DNAH11: variants seen among roughly 807,000 people sequenced by gnomAD.
The protein encoded by DNAH11 is dynein axonemal heavy chain 11, also known as axonemal beta dynein heavy chain 11.
In DNAH11, 442 loss-of-function variants were observed where a neutral mutation model predicts 526.0. That is an observed-to-expected ratio of 0.84 (90% CI 0.78 to 0.91). DNAH11 has a LOEUF of 0.91. DNAH11 is among the 40% of genes least tolerant of loss of function. The pLI is 0.00. For synonymous variants in DNAH11, 2,461 were observed against 1,935.9 expected, an observed-to-expected ratio of 1.27 and a Z score of -7.12; for missense variants, 6,989 against 5,448.7, an observed-to-expected ratio of 1.28 and a Z score of -8.90.
chr7:21,572,313 CACTG>C (rs1484673267), intron 8 of DNAH11, among the ~76,000 whole-genome samples: 2 of 152,198 alleles, frequency 1.3e-5, no homozygotes, highest in African/African-American at 4.8e-5. Context: ...TTTCTTGAAT[CACTG>C]GATGTTTTGT....
chr7:21,565,241 G>T (rs567927480), intron 6 of DNAH11, among the ~76,000 whole-genome samples: 1 of 151,826 alleles, frequency 6.6e-6, no homozygotes, highest in Non-Finnish European at 1.5e-5. Context: ...CCTTCTCACT[G>T]TGTCCTCACT....
At position 21,601,114 on chromosome 7, in the gene DNAH11, G is replaced by A. The variant is rs1785067646; in HGVS notation, c.3360G>A (p.Leu1120=). 6.2e-7 allele frequency: 1 copy of A among 1,610,420 alleles called. No homozygotes were observed. The highest frequency in any genetic ancestry group is 2.2e-5 in the East Asian group (1 of 44,850). The part of the protein sequence containing the change: ...KVDMKPFKVS[L]LTIIKKWSWM... ...ACATGAAGCCTTTCAAAGTGAGCTT[G>A]TTAACCATAATTAAGAAATGGAGCT... Residue 1120 remains leucine (L), a synonymous_variant, in exon 17 of 82, where the codon TTG becomes TTA. Transcript: ENST00000409508.
chr7:21,780,025 CTT>C (rs5882825), intron 57 of DNAH11, among the ~76,000 whole-genome samples: 14 of 149,820 alleles, frequency 9.3e-5, no homozygotes, highest in African/African-American at 2.0e-4. Flanking sequence ...AGTTGATTTT[CTT>C]TTTTTTTTTC....
Position 21,801,330 on chromosome 7 carries a change from G to A in DNAH11, c.10165+55G>A, listed in dbSNP as rs72657390. 3.4e-4 allele frequency: 545 copies of A among 1,595,258 alleles called. 1 individual carries two copies. The African/African-American group carries it at 6.5e-3, about 19-fold the overall frequency. On this transcript the variant is annotated intron_variant, in intron 62 of 81. Coordinates refer to ENST00000409508, the MANE Select transcript of DNAH11 (RefSeq NM_001277115.2). ...TAAAATGTTCAGATCAGCTTGTGGG[G>A]ATTTTATTATTTGCCATCAATAATA...
chr7:21,901,218 G>C lies in DNAH11; in HGVS notation c.13515G>C (p.Trp4505Cys). Residue 4505 changes from tryptophan (W) to cysteine (C), a missense_variant, in exon 82 of 82, where the codon TGG (tryptophan) becomes TGC (cysteine). Coordinates refer to ENST00000409508, the MANE Select transcript of DNAH11 (RefSeq NM_001277115.2). ...AGAGCGAAGAGAAGACTGCAAAATG[G>C]GTTCTGGCTGGAGTGGCTCTGCTTC... ...RLKSEEKTAK[W>C]VLAGVALLLE... The C allele has an allele frequency of 1.2e-6, 2 of 1,612,064 alleles. No homozygotes were observed. The highest frequency in any genetic ancestry group is 1.7e-6 in the Non-Finnish European group (2 of 1,179,010).
intron 34 of DNAH11, among the ~76,000 whole-genome samples, chr7:21,689,707 C>T (rs966749807): frequency 6.6e-6 from 1 of 152,240 alleles, no homozygotes; most frequent in African/African-American, 2.4e-5. Context: ...AATCCACCTG[C>T]TCCTAATTAC....
chr7:21,690,671 CTAA>C (rs1783578082), intron 34 of DNAH11, 91 bp from the exon 35 acceptor site: 1 of 868,702 alleles, frequency 1.2e-6, no homozygotes, highest in Non-Finnish European at 1.8e-6. Context: ...AAACAGCTTC[CTAA>C]TAATTTGCAT....
At chr7:21,814,419 G>A (rs1181020359) in intron 63 of DNAH11, among the ~76,000 whole-genome samples, 1 of 150,032 alleles carries the variant, frequency 6.7e-6, no homozygotes, top group Non-Finnish European at 1.5e-5. Context: ...CATTGTGCGG[G>A]TTAGTTACAT....
intron 27 of DNAH11, 109 bp from the exon 28 acceptor site, chr7:21,638,830 C>T (rs1786988245): frequency 7.7e-7 from 1 of 1,302,354 alleles, no homozygotes; most frequent in Non-Finnish European, 1.1e-6. Context: ...ACCTGTTAAA[C>T]AGTGAGTTTA....
At chr7:21,654,599 C>T (rs1420575897) in intron 28 of DNAH11, among the ~76,000 whole-genome samples, 3 of 152,148 alleles carry the variant, frequency 2.0e-5, no homozygotes, top group Admixed American at 2.0e-4. Flanking sequence ...TAGGTATATA[C>T]CTAGGAGAGG....
chr7:21,547,814 G>C (rs1782861049), intron 2 of DNAH11, among the ~76,000 whole-genome samples: 1 of 151,964 alleles, frequency 6.6e-6, no homozygotes, highest in Admixed American at 6.6e-5. Context: ...ACTTTCTTTG[G>C]TTTTATTTTT....
At chr7:21,573,176 G>A (rs1258160430) in intron 8 of DNAH11, among the ~76,000 whole-genome samples, 1 of 152,154 alleles carries the variant, frequency 6.6e-6, no homozygotes, top group African/African-American at 2.4e-5. Flanking sequence ...CATGCCAAAG[G>A]TCCTGATTTT....
chr7:21,543,333 G>A lies in DNAH11; in HGVS notation c.88G>A (p.Val30Met), dbSNP rs1004777420. 68 of 1,550,838 alleles carry A rather than the reference G, an allele frequency of 4.4e-5. No individual in the cohort carries two copies. Among genetic ancestry groups the A allele is most frequent in the Non-Finnish European group, 5.5e-5 (63 of 1,146,748 alleles). The change falls in exon 1 of 82, where the codon GTG becomes ATG. Residue 30 changes from valine (V) to methionine (M), a missense_variant. Val to Met is a conservative substitution (Grantham distance 21). Transcript: ENST00000409508. The stretch of plus-strand genomic sequence containing the variant: ...AACCTCGGGGGCCGGCCTGGAGGCA[G>A]TGGGCGCTGTGGAGCTCGAGGAGGA... ...RLTSGAGLEA[V>M]GAVELEEEEE...
intron 8 of DNAH11, 108 bp downstream of exon 8, chr7:21,572,081 G>A: frequency 1.0e-6 from 1 of 977,208 alleles, no homozygotes; most frequent in Non-Finnish European, 1.4e-6. Flanking sequence ...AATATCTCTA[G>A]GACCAAAAGA....
chr7:21,800,493 G>A (rs898009139), intron 61 of DNAH11, among the ~76,000 whole-genome samples: 10 of 152,224 alleles, frequency 6.6e-5, no homozygotes, highest in Admixed American at 4.6e-4. Context: ...TTAGCCGGGT[G>A]TGGTGGTGCA....
At chr7:21,880,098 AAAAGAAAG>A (rs1211144322) in intron 74 of DNAH11, among the ~76,000 whole-genome samples, 1 of 151,182 alleles carries the variant, frequency 6.6e-6, no homozygotes, top group Non-Finnish European at 1.5e-5. Context: ...AAAAAAAAAA[AAAAGAAAG>A]AAAGAAAAAA....
intron 28 of DNAH11, among the ~76,000 whole-genome samples, chr7:21,653,459 GA>G (rs1781873117): frequency 6.6e-6 from 1 of 152,176 alleles, no homozygotes; most frequent in Admixed American, 6.5e-5. Flanking sequence ...TATAGAGCTA[GA>G]AGTTCTTGAA....
chr7:21,578,215 A>G (rs1784174254), intron 8 of DNAH11, among the ~76,000 whole-genome samples: 1 of 152,218 alleles, frequency 6.6e-6, no homozygotes, highest in Non-Finnish European at 1.5e-5. Flanking sequence ...AATCAAAAAC[A>G]AGTTAGTTAT....
In DNAH11 at chr7:21,773,499, G is replaced by A. The variant is rs868735682; in HGVS notation, c.9103-267G>A. ...GATAAAAATCAAGTTGTGAAGATCT[G>A]TATATGCTGGCTTTTGTATTTGGTA... On this transcript the variant is annotated intron_variant, in intron 55 of 81. Transcript: ENST00000409508. 2.6e-5 allele frequency among the ~76,000 whole-genome samples: 4 copies of A among 152,060 alleles called. No homozygotes were observed. The Middle Eastern group carries it at 0.01, about 388-fold the overall frequency.
Sources: allele counts gnomAD v4.1 joint callset (sites outside exome capture counted in the v4.1 genomes callset), GRCh38; gene constraint gnomAD v4.1.1; transcripts MANE v1.5; gene names NCBI Gene and HGNC (gene_info 2026-07-23, HGNC 2026-07-21).